Variants in HS6ST3 observed in about 807,000 individuals in gnomAD.
The protein encoded by HS6ST3 is heparan sulfate 6-O-sulfotransferase 3, also known as heparan-sulfate 6-O-sulfotransferase 3.
In HS6ST3, 12 loss-of-function variants were observed where a neutral mutation model predicts 36.7. That is an observed-to-expected ratio of 0.33 (90% CI 0.21 to 0.53). HS6ST3 has a LOEUF of 0.53. Ranked by LOEUF, HS6ST3 falls within the 20% of genes least tolerant of loss-of-function variation. The pLI is 0.95. For missense variants in HS6ST3, 584 were observed against 640.9 expected, an observed-to-expected ratio of 0.91 and a Z score of 0.96; for synonymous variants, 240 against 257.5, an observed-to-expected ratio of 0.93 and a Z score of 0.65.
chr13:96,728,784 GT>G (rs976127135), intron 1 of HS6ST3, among the ~76,000 whole-genome samples: 2 of 151,742 alleles, frequency 1.3e-5, no homozygotes, highest in African/African-American at 4.8e-5. Context: ...AGCCACAATT[GT>G]TTTTTTTCCT....
intron 1 of HS6ST3, among the ~76,000 whole-genome samples, chr13:96,245,336 A>C (rs150122714): frequency 6.6e-6 from 1 of 152,348 alleles, no homozygotes; most frequent in African/African-American, 2.4e-5. Flanking sequence ...AGAAGAGTAC[A>C]AGGGGTATAG....
chr13:96,426,173 G>A (rs1182465277), intron 1 of HS6ST3, among the ~76,000 whole-genome samples: 1 of 151,874 alleles, frequency 6.6e-6, no homozygotes, highest in East Asian at 1.9e-4. Context: ...CCTGCTTCAG[G>A]CAGGGGTCTC....
chr13:96,783,656 G>T (rs1380183013), intron 1 of HS6ST3, among the ~76,000 whole-genome samples: 1 of 151,328 alleles, frequency 6.6e-6, no homozygotes, highest in Non-Finnish European at 1.5e-5. Context: ...ACAGGATGGA[G>T]CCACTTCAGG....
chr13:96,173,561 T>C (rs1013669630), intron 1 of HS6ST3, among the ~76,000 whole-genome samples: 1 of 149,640 alleles, frequency 6.7e-6, no homozygotes, highest in Admixed American at 6.8e-5. Flanking sequence ...AATCATCGAA[T>C]ACTCAAGCAA....
At chr13:96,364,178 G>A (rs2055252438) in intron 1 of HS6ST3, among the ~76,000 whole-genome samples, 1 of 152,088 alleles carries the variant, frequency 6.6e-6, no homozygotes, top group African/African-American at 2.4e-5. Context: ...GTACACTGCT[G>A]GTTGGAACAT....
intron 1 of HS6ST3, among the ~76,000 whole-genome samples, chr13:96,161,609 A>T (rs527451953): frequency 1.4e-4 from 21 of 152,338 alleles, no homozygotes; most frequent in African/African-American, 5.1e-4. Context: ...AGGCCCTCTC[A>T]GTGTGCAGAT....
chr13:96,274,610 T>A (rs9300341), intron 1 of HS6ST3, among the ~76,000 whole-genome samples: 73,209 of 151,724 alleles, frequency 0.48, 17,788 homozygotes, highest in Middle Eastern at 0.59. Context: ...TGGATAAAAG[T>A]CTCACATTTG....
intron 1 of HS6ST3, among the ~76,000 whole-genome samples, chr13:96,433,556 C>T (rs2055626732): frequency 6.6e-6 from 1 of 152,182 alleles, no homozygotes; most frequent in South Asian, 2.1e-4. Context: ...TTACCTGTGA[C>T]TGTGTAAGAT....
intron 1 of HS6ST3, among the ~76,000 whole-genome samples, chr13:96,510,248 C>G (rs1366373132): frequency 6.6e-6 from 1 of 151,966 alleles, no homozygotes; most frequent in Non-Finnish European, 1.5e-5. Flanking sequence ...TAACCAGAGA[C>G]TTTAATCAAT....
chr13:96,685,602 A>T (rs1302711678), intron 1 of HS6ST3, among the ~76,000 whole-genome samples: 1 of 152,088 alleles, frequency 6.6e-6, no homozygotes, highest in Non-Finnish European at 1.5e-5. Context: ...CTGAGGCATC[A>T]TGCAGTTAGG....
intron 1 of HS6ST3, among the ~76,000 whole-genome samples, chr13:96,109,990 A>T (rs1338777147): frequency 6.6e-6 from 1 of 152,224 alleles, no homozygotes; most frequent in East Asian, 1.9e-4. Context: ...GTGGGCACAG[A>T]GCTGCAAAGC....
At chr13:96,098,389 A>G (rs2053801707) in intron 1 of HS6ST3, among the ~76,000 whole-genome samples, 1 of 152,198 alleles carries the variant, frequency 6.6e-6, no homozygotes, top group African/African-American at 2.4e-5. Context: ...AGATCGTAAT[A>G]TTGGAGAACA....
chr13:96,209,951 C>A (rs2054390519), intron 1 of HS6ST3, among the ~76,000 whole-genome samples: 1 of 152,072 alleles, frequency 6.6e-6, no homozygotes, highest in Non-Finnish European at 1.5e-5. Context: ...TTTGTTTGTT[C>A]TTTGTCTGCC....
intron 1 of HS6ST3, among the ~76,000 whole-genome samples, chr13:96,116,384 G>T (rs1452391876): frequency 1.3e-5 from 2 of 152,136 alleles, no homozygotes; most frequent in Non-Finnish European, 2.9e-5. Flanking sequence ...CTGTGGGGTG[G>T]GAGTGGCAGG....
At chr13:96,302,039 T>C (rs936541557) in intron 1 of HS6ST3, among the ~76,000 whole-genome samples, 1 of 151,744 alleles carries the variant, frequency 6.6e-6, no homozygotes, top group Non-Finnish European at 1.5e-5. Flanking sequence ...CAAATTGGCA[T>C]GTATAAGAAA....
At chr13:96,572,150 G>A (rs1459629309) in intron 1 of HS6ST3, among the ~76,000 whole-genome samples, 1 of 152,142 alleles carries the variant, frequency 6.6e-6, no homozygotes, top group East Asian at 1.9e-4. Flanking sequence ...TAGATCTTGG[G>A]CGTGTCCCTT....
rs148182143 is a variant in HS6ST3 at position 96,777,186 on chromosome 13, G to A, written c.708-55304G>A. Among the ~76,000 whole-genome samples, 106 of 152,212 alleles carry A rather than the reference G, an allele frequency of 7.0e-4. 2 individuals carry two copies. The highest frequency in any genetic ancestry group is 2.4e-3 in the African/African-American group (101 of 41,530). ...TCAATAAACTAGGTACTGATGGAAC[G>A]TATCTCAAAACAATAAGGGCTATTC... On this transcript the variant is annotated intron_variant, in intron 1 of 1. Coordinates refer to ENST00000376705, the MANE Select transcript of HS6ST3 (RefSeq NM_153456.4).
At chr13:96,112,586 T>C (rs1393956463) in intron 1 of HS6ST3, among the ~76,000 whole-genome samples, 1,658 of 52,338 alleles carry the variant, frequency 0.032, 244 homozygotes, top group Non-Finnish European at 0.048. Context: ...TAAATATATA[T>C]ATATATATAT....
intron 1 of HS6ST3, among the ~76,000 whole-genome samples, chr13:96,592,702 A>C (rs1164338103): frequency 6.6e-6 from 1 of 152,118 alleles, no homozygotes; most frequent in Non-Finnish European, 1.5e-5. Flanking sequence ...CACTGGATAT[A>C]CTATTTTAGG....
Sources: allele counts gnomAD v4.1 joint callset (sites outside exome capture counted in the v4.1 genomes callset), GRCh38; gene constraint gnomAD v4.1.1; transcripts MANE v1.5; gene names NCBI Gene and HGNC (gene_info 2026-07-23, HGNC 2026-07-21).